Variants in CDH6 observed in about 807,000 individuals in gnomAD.
CDH6 encodes cadherin 6.
A neutral mutation model predicts 78.0 loss-of-function variants in CDH6; 31 were observed. That is an observed-to-expected ratio of 0.40 (90% CI 0.30 to 0.54). The LOEUF is 0.54. CDH6 is among the 20% of genes least tolerant of loss of function. The probability of loss-of-function intolerance (pLI) is 0.56; values close to 1 mark genes in which losing one functional copy is unlikely to be tolerated. For missense variants in CDH6, 724 were observed against 975.9 expected (o/e 0.74, Z 3.44); for synonymous variants, 376 against 368.8 (o/e 1.02, Z -0.23).
rs1579921837 is a variant in CDH6 at position 31,326,903 on chromosome 5, C to G, written c.*3595C>G. The G allele has an allele frequency of 1.3e-5, 2 of 158,556 alleles. No homozygotes were observed. Among genetic ancestry groups the G allele is most frequent in the East Asian group, 3.1e-4 (2 of 6,546 alleles). 9.8% of individuals were successfully genotyped at this position (158,556 alleles called of 1,614,324 possible). A position where few individuals can be genotyped will look rare whatever the true frequency, so the allele number is the denominator to read the frequency against. ...TGGAGACAGGGTTTCACCATGTTAG[C>G]CAGGATGATCTCCATCTCCTGACCT... On this transcript the variant is annotated 3_prime_UTR_variant, in exon 12 of 12. Transcript: ENST00000265071.
At chr5:31,316,169 CATGTAA>C in intron 8 of CDH6, 33 bp from the exon 9 acceptor site, 1 of 1,582,686 alleles carries the variant, frequency 6.3e-7, no homozygotes, top group African/African-American at 1.4e-5. Context: ...CGGCAATCAA[CATGTAA>C]ATGCCTTTTT....
chr5:31,225,839 C>T (rs142151920), intron 1 of CDH6, among the ~76,000 whole-genome samples: 221 of 152,216 alleles, frequency 1.5e-3, no homozygotes, highest in African/African-American at 5.1e-3. Context: ...ATGGTGGGTG[C>T]GGTTTTCCCC....
chr5:31,264,445 A>G (rs917900959), intron 1 of CDH6, among the ~76,000 whole-genome samples: 1 of 152,216 alleles, frequency 6.6e-6, no homozygotes, highest in African/African-American at 2.4e-5. Flanking sequence ...TTTACAGAAT[A>G]AAGAAACTGA....
intron 1 of CDH6, among the ~76,000 whole-genome samples, chr5:31,208,922 C>T (rs1001297402): frequency 6.6e-6 from 1 of 152,078 alleles, no homozygotes. Context: ...CTCAAGTGGC[C>T]GTCAATGCAT....
chr5:31,309,041 A>G (rs1579906926), intron 7 of CDH6, among the ~76,000 whole-genome samples: 1 of 152,174 alleles, frequency 6.6e-6, no homozygotes, highest in South Asian at 2.1e-4. Flanking sequence ...GAAATGATCA[A>G]GTAAGTACAA....
At chr5:31,252,630 A>G (rs970423628) in intron 1 of CDH6, among the ~76,000 whole-genome samples, 1 of 152,194 alleles carries the variant, frequency 6.6e-6, no homozygotes, top group African/African-American at 2.4e-5. Context: ...ATACATTAGG[A>G]AATTCTATTT....
chr5:31,305,080 A>T lies in CDH6; in HGVS notation c.1000-94A>T, dbSNP rs146519008. 536 of 1,229,168 alleles carry T rather than the reference A, an allele frequency of 4.4e-4. 2 individuals carry two copies. Among genetic ancestry groups the T allele is most frequent in the Middle Eastern group, 4.0e-3 (19 of 4,760 alleles). The allele number at this position is 1,229,168 out of a possible 1,614,324, so 76.1% of individuals were successfully genotyped here. ...CTAAGCAATATGATCGCATTCATTT[A>T]TCAGTGGTTTACACCAAAAATGTTT... is the stretch of plus-strand genomic sequence containing the variant. On this transcript the variant is annotated intron_variant, in intron 6 of 11. Coordinates refer to ENST00000265071, the MANE Select transcript of CDH6 (RefSeq NM_004932.4).
intron 6 of CDH6, 114 bp downstream of exon 6, chr5:31,302,412 C>T: frequency 2.3e-6 from 2 of 860,258 alleles, no homozygotes; most frequent in Non-Finnish European, 3.4e-6. Context: ...TTTTATTTTA[C>T]TTATTATTTT....
chr5:31,297,271 A>C lies in CDH6; in HGVS notation c.524-18A>C, dbSNP rs995356784. 1.5e-5 allele frequency: 24 copies of C among 1,606,594 alleles called. No individual in the cohort carries two copies. The highest frequency in any genetic ancestry group is 2.0e-5 in the Non-Finnish European group (24 of 1,173,806). ...TGAACTCTTGATGTGTTTTCAGTTT[A>C]TATTTCTGTCATTACAGGTACATTT... On this transcript the variant is annotated intron_variant, in intron 3 of 11. Transcript: ENST00000265071.
chr5:31,302,516 A>G (rs898932281), intron 6 of CDH6: 1 of 398,960 alleles, frequency 2.5e-6, no homozygotes, highest in Non-Finnish European at 4.6e-6. Context: ...TGAGTCCTGG[A>G]GTTTGAGACC....
chr5:31,301,946 G>T (rs750640988), intron 5 of CDH6, among the ~76,000 whole-genome samples, 165 bp from the exon 6 acceptor site: 1 of 152,172 alleles, frequency 6.6e-6, no homozygotes, highest in East Asian at 1.9e-4. Flanking sequence ...TAACAACCAC[G>T]AAAGTAGACA....
intron 1 of CDH6, among the ~76,000 whole-genome samples, chr5:31,206,097 C>T (rs1345807523): frequency 6.6e-6 from 1 of 152,020 alleles, no homozygotes; most frequent in East Asian, 1.9e-4. Flanking sequence ...GCCTTTTGTG[C>T]TCTATATACA....
chr5:31,211,935 C>A (rs533853472), intron 1 of CDH6, among the ~76,000 whole-genome samples: 2 of 152,078 alleles, frequency 1.3e-5, no homozygotes, highest in Non-Finnish European at 2.9e-5. Flanking sequence ...GAACCATAAC[C>A]ATAAAAGCTC....
chr5:31,230,531 C>T (rs1334138717), intron 1 of CDH6, among the ~76,000 whole-genome samples: 3 of 152,242 alleles, frequency 2.0e-5, no homozygotes, highest in South Asian at 2.1e-4. Flanking sequence ...CTTCCTGTTG[C>T]ATCTTTAAGA....
rs1251978144 is a variant in CDH6, at chr5:31,273,112, T to A, written c.228+5411T>A. On this transcript the variant is annotated intron_variant, in intron 2 of 11. Transcript: ENST00000265071. ...CCATACACACCTTTAAAATTAGAAA[T>A]GAGCAATTATTTGTTACTATAATTA... Among the ~76,000 whole-genome samples, 3 of 152,296 alleles carry A rather than the reference T, an allele frequency of 2.0e-5. No homozygotes were observed. The East Asian group carries it at 5.8e-4, about 29-fold the overall frequency.
In CDH6 at chr5:31,323,313, T is replaced by C. The variant is rs1401414619; in HGVS notation, c.*5T>C. On this transcript the variant is annotated 3_prime_UTR_variant, in exon 12 of 12. Coordinates refer to ENST00000265071, the MANE Select transcript of CDH6 (RefSeq NM_004932.4). ...GACAGTGACAAAGACTCCTAATCTG[T>C]TGCCTTTTTCATTTTCCAATACGAC... 2 of 1,596,132 alleles carry C rather than the reference T, an allele frequency of 1.3e-6. No individual in the cohort carries two copies. Among genetic ancestry groups the C allele is most frequent in the East Asian group, 2.3e-5 (1 of 44,444 alleles).
chr5:31,252,591 A>G (rs1741940946), intron 1 of CDH6, among the ~76,000 whole-genome samples: 1 of 152,268 alleles, frequency 6.6e-6, no homozygotes, highest in South Asian at 2.1e-4. Flanking sequence ...GTGCAAATAT[A>G]CTGGCACTTT....
Position 31,323,049 on chromosome 5 carries a change from C to A in CDH6, c.2114C>A (p.Thr705Lys). Residue 705 changes from threonine to lysine, a missense_variant, in exon 12 of 12, where the codon ACA becomes AAA. Thr to Lys is a moderately conservative substitution (Grantham distance 78, BLOSUM62 -1). This residue lies in a region of CDH6 where 220 missense variants were observed against 240.6 expected (regional missense o/e 0.91). Transcript: ENST00000265071. ...CTTTTCCTACCCCGACGGACTCCAA[C>A]AGCTCGCGACAACACCGATGTCAGA... ...EALFLPRRTPTARDNTDVRDF... is the reference protein window; with the variant it reads ...EALFLPRRTPKARDNTDVRDF... The A allele has an allele frequency of 1.2e-6, 2 of 1,614,180 alleles. No homozygotes were observed. The highest frequency in any genetic ancestry group is 2.2e-5 in the South Asian group (2 of 91,090).
At chr5:31,257,726 C>G (rs533198451) in intron 1 of CDH6, among the ~76,000 whole-genome samples, 7 of 152,244 alleles carry the variant, frequency 4.6e-5, no homozygotes, top group Non-Finnish European at 1.0e-4. Flanking sequence ...CAGCTACCCC[C>G]TCCCACTAAT....
Sources: allele counts gnomAD v4.1 joint callset (sites outside exome capture counted in the v4.1 genomes callset), GRCh38; gene constraint gnomAD v4.1.1; regional missense constraint gnomAD v4.1.1; transcripts MANE v1.5; gene names NCBI Gene and HGNC (gene_info 2026-07-23, HGNC 2026-07-21).